The following ZNF823 variants were observed in gnomAD, a reference collection of about 807,000 sequenced individuals.
ZNF823 encodes zinc finger protein 823.
ZNF823 carries 5 observed loss-of-function variants against 11.4 expected under a neutral mutation model. The ratio of observed to expected loss-of-function variants is 0.44; its 90% CI spans 0.23 to 0.92. The LOEUF is 0.92. ZNF823 is among the 40% of genes least tolerant of loss of function. The pLI is 0.24. For missense variants in ZNF823, 582 were observed against 738.5 expected (o/e 0.79, Z 2.46); for synonymous variants, 234 against 250.5 (o/e 0.93, Z 0.62).
chr19:11,734,777 G>A (rs1328008657), intron 1 of ZNF823, among the ~76,000 whole-genome samples: 1 of 152,084 alleles, frequency 6.6e-6, no homozygotes, highest in Non-Finnish European at 1.5e-5. Flanking sequence ...GACCTCAGGT[G>A]ATCCACCTGC....
At chr19:11,724,088 TA>T in intron 3 of ZNF823, 105 bp downstream of exon 3, 1 of 924,876 alleles carries the variant, frequency 1.1e-6, no homozygotes, top group Non-Finnish European at 1.6e-6. Flanking sequence ...TTGGAATGAA[TA>T]AATTTAAGCT....
At chr19:11,731,142 G>A (rs1442211621) in intron 1 of ZNF823, among the ~76,000 whole-genome samples, 2 of 151,750 alleles carry the variant, frequency 1.3e-5, no homozygotes, top group Admixed American at 6.6e-5. Context: ...GAGAAACCCT[G>A]TCTCTACTAA....
Position 11,722,619 on chromosome 19 carries a change from T to A in ZNF823, c.915A>T (p.Ala305=). 3 of 1,614,100 alleles carry A rather than the reference T, an allele frequency of 1.9e-6. No homozygotes were observed. The highest frequency in any genetic ancestry group is 2.5e-6 in the Non-Finnish European group (3 of 1,180,018). The part of the protein sequence containing the change: ...ERTHTGEQPY[A]CKQCGKTFYH... Reference sequence around the variant, plus strand: ...AAAACGTTTTCCCACATTGCTTACATGCATAGGGTTGTTCTCCCGTGTGAG... The same window carrying A: ...AAAACGTTTTCCCACATTGCTTACAAGCATAGGGTTGTTCTCCCGTGTGAG... Residue 305 remains alanine, a synonymous_variant, in exon 4 of 4, where the codon GCA becomes GCT. Coordinates refer to ENST00000341191, the MANE Select transcript of ZNF823 (RefSeq NM_001080493.4). This position sits in a 1 kb window ranked among gnomAD's most constrained non-coding sequence, Gnocchi z 5.2.
intron 1 of ZNF823, among the ~76,000 whole-genome samples, chr19:11,733,129 G>A (rs921367467): frequency 2.0e-5 from 3 of 152,172 alleles, no homozygotes; most frequent in African/African-American, 4.8e-5. Context: ...AGCACTTTGG[G>A]AGGCTGAGGT....
chr19:11,738,502 G>A (rs1214679931), intron 1 of ZNF823, among the ~76,000 whole-genome samples: 1 of 152,210 alleles, frequency 6.6e-6, no homozygotes, highest in Non-Finnish European at 1.5e-5. Context: ...CAGTGACTCG[G>A]GCCGTGAACC....
chr19:11,731,603 C>T (rs113383206), intron 1 of ZNF823, among the ~76,000 whole-genome samples: 38 of 152,234 alleles, frequency 2.5e-4, no homozygotes, highest in Non-Finnish European at 5.0e-4. Context: ...AAGTTTCTTG[C>T]TAGAGGGCTC....
chr19:11,732,599 A>G, intron 1 of ZNF823, among the ~76,000 whole-genome samples: 1 of 151,586 alleles, frequency 6.6e-6, no homozygotes, highest in East Asian at 2.0e-4. Context: ...GCGCCCGGCC[A>G]TTTTTTTGTA....
At chr19:11,727,748 C>T (rs1017186555) in intron 1 of ZNF823, among the ~76,000 whole-genome samples, 10 of 152,132 alleles carry the variant, frequency 6.6e-5, no homozygotes, top group African/African-American at 1.9e-4. Flanking sequence ...CATCAGAGCC[C>T]GTCTTGAAGA....
At chr19:11,738,770 C>T (rs1033044761) in intron 1 of ZNF823, 47 bp downstream of exon 1, 1 of 1,597,166 alleles carries the variant, frequency 6.3e-7, no homozygotes, top group Non-Finnish European at 8.5e-7. Flanking sequence ...CGGCCGGTTC[C>T]AACCTGCCCC....
intron 1 of ZNF823, among the ~76,000 whole-genome samples, chr19:11,737,560 CTT>C (rs766360043): frequency 2.7e-5 from 3 of 110,492 alleles, no homozygotes; most frequent in Non-Finnish European, 3.7e-5. Context: ...CCGCGCCCGG[CTT>C]TTTTTTTTTT....
In ZNF823 at chr19:11,738,921, C is replaced by A. The variant is rs72986630; in HGVS notation, c.-102G>T. 1.0e-5 allele frequency: 15 copies of A among 1,452,858 alleles called. No individual in the cohort carries two copies. Among genetic ancestry groups the A allele is most frequent in the East Asian group, 5.3e-5 (2 of 38,088 alleles). The allele number at this position is 1,452,858 out of a possible 1,614,324, so 90.0% of individuals were successfully genotyped here. On this transcript the variant is annotated 5_prime_UTR_variant, in exon 1 of 4. Transcript: ENST00000341191. ...CTTCCAGGGCGTCTCTCTCTCAGCGCCAGAGCCAGGACTCAGAGCGCAGGG... is the reference window on the plus strand; with the variant it reads ...CTTCCAGGGCGTCTCTCTCTCAGCGACAGAGCCAGGACTCAGAGCGCAGGG...
intron 1 of ZNF823, among the ~76,000 whole-genome samples, chr19:11,725,716 C>T (rs1974777471): frequency 2.0e-5 from 3 of 152,160 alleles, no homozygotes. Context: ...TGCTCATTTG[C>T]AAACTTGGAT....
intron 1 of ZNF823, among the ~76,000 whole-genome samples, chr19:11,736,820 G>A (rs1444476385): frequency 1.3e-4 from 19 of 151,718 alleles, no homozygotes; most frequent in Non-Finnish European, 1.6e-4. Flanking sequence ...CTGAACTGCT[G>A]AGTAATTACC....
chr19:11,729,530 T>A (rs1974855450), intron 1 of ZNF823, among the ~76,000 whole-genome samples: 2 of 152,256 alleles, frequency 1.3e-5, no homozygotes, highest in African/African-American at 4.8e-5. Flanking sequence ...CAGTACCTAC[T>A]GGCTTTCAAT....
At position 11,733,438 on chromosome 19, in the gene ZNF823, C is replaced by T. The variant is rs563539184; in HGVS notation, c.3+5379G>A. 4.0e-5 allele frequency among the ~76,000 whole-genome samples: 6 copies of T among 151,332 alleles called. No homozygotes were observed. The South Asian group carries it at 6.3e-4, about 16-fold the overall frequency. On this transcript the variant is annotated intron_variant, in intron 1 of 3. Transcript: ENST00000341191. ...GTTTTAGGCTGGGCATGGTGACTCA[C>T]GCTTGTATTCTCAGCACTTTGGGAG... is the stretch of plus-strand genomic sequence containing the variant.
At chr19:11,737,722 AT>A (rs1296590173) in intron 1 of ZNF823, among the ~76,000 whole-genome samples, 1 of 152,188 alleles carries the variant, frequency 6.6e-6, no homozygotes, top group Non-Finnish European at 1.5e-5. Flanking sequence ...TGTTTGAAAT[AT>A]TGCCTGAGGG....
At chr19:11,736,280 G>A (rs1974991173) in intron 1 of ZNF823, among the ~76,000 whole-genome samples, 1 of 152,250 alleles carries the variant, frequency 6.6e-6, no homozygotes, top group Non-Finnish European at 1.5e-5. Flanking sequence ...AGTTTGGGAG[G>A]CCAAGGCAGG....
chr19:11,732,943 C>T (rs1405365712), intron 1 of ZNF823, among the ~76,000 whole-genome samples: 1 of 152,170 alleles, frequency 6.6e-6, no homozygotes, highest in African/African-American at 2.4e-5. Flanking sequence ...AGTTAGTTAC[C>T]TAGTGACCTC....
intron 1 of ZNF823, among the ~76,000 whole-genome samples, chr19:11,728,688 C>A (rs1248474540): frequency 6.6e-6 from 1 of 151,898 alleles, no homozygotes; most frequent in East Asian, 1.9e-4. Context: ...TAGAAGCAAG[C>A]AAATAGAATC....
Sources: gnomAD v4.1 joint callset for allele counts (sites outside exome capture counted in the v4.1 genomes callset) on GRCh38, gnomAD v4.1.1 for gene constraint, Gnocchi (gnomAD v3.1) non-coding constraint, MANE v1.5 for transcripts, NCBI Gene and HGNC (gene_info 2026-07-23, HGNC 2026-07-21) for gene names.